Variants in IPO8 observed in about 807,000 individuals in gnomAD.
IPO8 encodes the protein importin-8.
In IPO8, 65 loss-of-function variants were observed where a neutral mutation model predicts 141.2. The observed-to-expected ratio is 0.46, with a 90% CI of 0.38 to 0.57. The LOEUF (loss-of-function observed/expected upper bound fraction) is 0.57. Ranked by LOEUF, IPO8 falls within the 20% of genes least tolerant of loss-of-function variation. The probability of loss-of-function intolerance (pLI) is 0.00; values close to 1 mark genes in which losing one functional copy is unlikely to be tolerated. For missense variants in IPO8, 980 were observed against 1,246.8 expected (o/e 0.79, Z 3.22); for synonymous variants, 411 against 420.3 (o/e 0.98, Z 0.27).
intron 19 of IPO8, 48 bp downstream of exon 19, chr12:30,652,144 C>T (rs1237482070): frequency 3.8e-6 from 4 of 1,062,580 alleles, no homozygotes; most frequent in East Asian, 4.8e-5. Flanking sequence ...GCAAAACAGG[C>T]AAACATTAGT....
Position 30,653,010 on chromosome 12 carries a change from T to A in IPO8, c.2031A>T (p.Ile677=), listed in dbSNP as rs537803115. 5.0e-6 allele frequency: 8 copies of A among 1,611,892 alleles called. 1 individual carries two copies. The highest frequency in any genetic ancestry group is 2.7e-5 in the African/African-American group (2 of 74,832). Residue 677 remains isoleucine (I), a synonymous_variant, in exon 18 of 25, where the codon ATA becomes ATT. Coordinates refer to ENST00000256079, the MANE Select transcript of IPO8 (RefSeq NM_006390.4). ...AATCCTGCTGAAACACTTCATATAG[T>A]ATACCTAGAAGCTGCCACATTTGAG... ...ISPQMWQLLG[I]LYEVFQQDCF...
chr12:30,680,749 T>A, intron 4 of IPO8, 111 bp from the exon 5 acceptor site: 1 of 812,924 alleles, frequency 1.2e-6, no homozygotes, highest in Non-Finnish European at 1.9e-6. Flanking sequence ...ACAAAGTCAT[T>A]AACATTGGCT....
Position 30,669,325 on chromosome 12 carries a change from C to A in IPO8, c.1045-43G>T, listed in dbSNP as rs1231108748. 5 of 954,768 alleles carry A rather than the reference C, an allele frequency of 5.2e-6. No individual in the cohort carries two copies. In the African/African-American group the frequency reaches 6.6e-5, roughly 13 times the overall value. The allele number at this position is 954,768 out of a possible 1,614,324, so 59.1% of individuals were successfully genotyped here. ...AAAAAACGTAACAAATGGGTATAGG[C>A]TATTCAAGTTTGAGGAATACTAATA... On this transcript the variant is annotated intron_variant, in intron 9 of 24. Transcript: ENST00000256079.
At chr12:30,666,661 C>T (rs1565503331) in intron 10 of IPO8, among the ~76,000 whole-genome samples, 1 of 152,140 alleles carries the variant, frequency 6.6e-6, no homozygotes, top group Admixed American at 6.6e-5. Flanking sequence ...AACAAAGAAA[C>T]ACATTATACA....
At chr12:30,657,586 G>A (rs1296459029) in intron 16 of IPO8, among the ~76,000 whole-genome samples, 6 of 151,974 alleles carry the variant, frequency 3.9e-5, no homozygotes, top group Admixed American at 1.3e-4. Flanking sequence ...CACATAAAAG[G>A]CCATTCATTC....
At chr12:30,650,903 C>T (rs113901443) in intron 19 of IPO8, among the ~76,000 whole-genome samples, 166 of 152,022 alleles carry the variant, frequency 1.1e-3, no homozygotes, top group African/African-American at 3.9e-3. Flanking sequence ...AATGTGATAC[C>T]TTCCTCATAC....
chr12:30,667,111 T>C (rs1413356919), intron 10 of IPO8, among the ~76,000 whole-genome samples: 4 of 152,218 alleles, frequency 2.6e-5, no homozygotes, highest in African/African-American at 9.6e-5. Flanking sequence ...CCTCAAAATA[T>C]AAAATACAAA....
intron 20 of IPO8, among the ~76,000 whole-genome samples, chr12:30,641,024 A>C (rs2052567712): frequency 6.6e-6 from 1 of 152,248 alleles, no homozygotes. Flanking sequence ...ACAAGTATTT[A>C]CTATTACACA....
chr12:30,664,691 T>A (rs936997926), intron 13 of IPO8, among the ~76,000 whole-genome samples: 1 of 152,210 alleles, frequency 6.6e-6, no homozygotes, highest in Non-Finnish European at 1.5e-5. Context: ...ATGCAGCAAG[T>A]GAGGCTAGGG....
intron 21 of IPO8, among the ~76,000 whole-genome samples, chr12:30,638,215 C>G (rs1300944945): frequency 6.6e-6 from 1 of 152,150 alleles, no homozygotes; most frequent in Non-Finnish European, 1.5e-5. Context: ...GAGAACCAAC[C>G]GCTTAACTTT....
At chr12:30,687,063 C>G (rs2053249270) in intron 2 of IPO8, among the ~76,000 whole-genome samples, 2 of 151,996 alleles carry the variant, frequency 1.3e-5, no homozygotes, top group Non-Finnish European at 2.9e-5. Flanking sequence ...GAAAACTTCC[C>G]TTTAATCATT....
At chr12:30,672,936 T>C (rs1158163495) in intron 8 of IPO8, among the ~76,000 whole-genome samples, 1 of 151,818 alleles carries the variant, frequency 6.6e-6, no homozygotes, top group African/African-American at 2.4e-5. Flanking sequence ...AACATTATAA[T>C]GCTGACAATA....
intron 23 of IPO8, among the ~76,000 whole-genome samples, chr12:30,633,355 T>C (rs771545859): frequency 3.9e-4 from 59 of 152,340 alleles, no homozygotes; most frequent in Admixed American, 2.3e-3. Flanking sequence ...AATGTAACTA[T>C]GGAAATACTA....
chr12:30,637,355 A>G (rs1195654057), intron 21 of IPO8, among the ~76,000 whole-genome samples, 168 bp from the exon 22 acceptor site: 6 of 152,216 alleles, frequency 3.9e-5, no homozygotes, highest in African/African-American at 1.4e-4. Context: ...TGTAAATCAA[A>G]TTTTGTAAAC....
chr12:30,652,135 CA>C (rs1459513143), intron 19 of IPO8, 56 bp downstream of exon 19: 1 of 949,320 alleles, frequency 1.1e-6, no homozygotes, highest in East Asian at 2.5e-5. Context: ...TATCCTGAAG[CA>C]AAACAGGCAA....
At chr12:30,633,143 C>T (rs1327815049) in intron 23 of IPO8, among the ~76,000 whole-genome samples, 3 of 152,150 alleles carry the variant, frequency 2.0e-5, no homozygotes, top group African/African-American at 7.2e-5. Context: ...GCCTCCAATT[C>T]CTCTGAATTT....
intron 21 of IPO8, 35 bp from the exon 22 acceptor site, chr12:30,637,222 G>A: frequency 2.0e-6 from 3 of 1,495,352 alleles, no homozygotes; most frequent in Non-Finnish European, 2.8e-6. Context: ...ATGTAGACAT[G>A]AGAAGTGGAA....
At chr12:30,658,368 G>A (rs750185037) in intron 16 of IPO8, among the ~76,000 whole-genome samples, 5 of 152,116 alleles carry the variant, frequency 3.3e-5, no homozygotes, top group African/African-American at 9.7e-5. Context: ...CGAAGATTCC[G>A]GTTGGTTTTG....
chr12:30,646,053 C>A (rs1297987354), intron 20 of IPO8, among the ~76,000 whole-genome samples: 1 of 152,112 alleles, frequency 6.6e-6, no homozygotes, highest in Non-Finnish European at 1.5e-5. Context: ...CAAAAAACAT[C>A]ACAAGAAAAG....
Sources: gnomAD v4.1 joint callset for allele counts (sites outside exome capture counted in the v4.1 genomes callset) on GRCh38, gnomAD v4.1.1 for gene constraint, MANE v1.5 for transcripts, NCBI Gene and HGNC (gene_info 2026-07-23, HGNC 2026-07-21) for gene names.